The following DLGAP1 variants were observed in gnomAD, a reference collection of about 807,000 sequenced individuals.
DLGAP1 encodes the protein disks large-associated protein 1.
In DLGAP1, 11 loss-of-function variants were observed where a neutral mutation model predicts 90.8. That is an observed-to-expected ratio of 0.12 (90% CI 0.08 to 0.20). The LOEUF is 0.20. Among genes scored for constraint, DLGAP1 ranks in the 10% least tolerant of loss-of-function variants. The pLI, the probability that DLGAP1 is intolerant of heterozygous loss-of-function variation, is 1.00. For synonymous variants in DLGAP1, 558 were observed against 540.7 expected, an observed-to-expected ratio of 1.03 and a Z score of -0.44; for missense variants, 1,050 against 1,333.8, an observed-to-expected ratio of 0.79 and a Z score of 3.31.
intron 1 of DLGAP1, among the ~76,000 whole-genome samples, chr18:4,356,222 T>G (rs2081512776): frequency 6.6e-6 from 1 of 151,976 alleles, no homozygotes; most frequent in African/African-American, 2.4e-5. Flanking sequence ...GTTCTTCTCT[T>G]TTTCCCAGAG....
chr18:4,041,486 AG>A (rs2074974086), intron 2 of DLGAP1, among the ~76,000 whole-genome samples: 1 of 152,166 alleles, frequency 6.6e-6, no homozygotes, highest in Non-Finnish European at 1.5e-5. Flanking sequence ...TTCATGTTTG[AG>A]CATCTTTCTT....
At chr18:4,051,238 C>T (rs2075129801) in intron 2 of DLGAP1, among the ~76,000 whole-genome samples, 1 of 152,162 alleles carries the variant, frequency 6.6e-6, no homozygotes, top group South Asian at 2.1e-4. Context: ...TATGGCTTGG[C>T]TCTGTGTCCC....
chr18:3,567,028 G>A (rs73379285), intron 9 of DLGAP1, among the ~76,000 whole-genome samples: 2,667 of 151,332 alleles, frequency 0.018, 76 homozygotes, highest in African/African-American at 0.062. Flanking sequence ...GATAATGACA[G>A]GGAATATCTT....
chr18:3,560,611 A>G (rs2054032651), intron 9 of DLGAP1, among the ~76,000 whole-genome samples: 1 of 146,834 alleles, frequency 6.8e-6, no homozygotes, highest in Admixed American at 6.8e-5. Flanking sequence ...AAAAAAAAGC[A>G]TGTTTATGTA....
chr18:4,311,030 G>A (rs2080385725), intron 1 of DLGAP1, among the ~76,000 whole-genome samples: 2 of 152,148 alleles, frequency 1.3e-5, no homozygotes, highest in Non-Finnish European at 2.9e-5. Flanking sequence ...TGCATGTAAA[G>A]GATGCTGACT....
At chr18:3,583,625 C>G (rs1161580708) in intron 7 of DLGAP1, among the ~76,000 whole-genome samples, 1 of 152,158 alleles carries the variant, frequency 6.6e-6, no homozygotes, top group Non-Finnish European at 1.5e-5. Flanking sequence ...CCTAAAGTGT[C>G]TTTCTTTAGG....
At chr18:3,618,507 A>G (rs1675247) in intron 7 of DLGAP1, among the ~76,000 whole-genome samples, 92,311 of 150,332 alleles carry the variant, frequency 0.61, 28,632 homozygotes, top group East Asian at 0.79. Context: ...CATCAAATAA[A>G]TAACCTGCAG....
intron 7 of DLGAP1, among the ~76,000 whole-genome samples, chr18:3,723,205 A>C (rs2062038912): frequency 6.6e-6 from 1 of 152,234 alleles, no homozygotes; most frequent in Admixed American, 6.5e-5. Context: ...ACTTCTGTTT[A>C]CAGATAGCAG....
intron 1 of DLGAP1, among the ~76,000 whole-genome samples, chr18:4,380,733 G>A (rs980003456): frequency 2.0e-5 from 3 of 152,040 alleles, no homozygotes; most frequent in African/African-American, 7.2e-5. Context: ...CTTAACTCTC[G>A]GCTTGTATAC....
chr18:3,609,959 GA>G (rs2057522491), intron 7 of DLGAP1, among the ~76,000 whole-genome samples: 1 of 151,728 alleles, frequency 6.6e-6, no homozygotes, highest in African/African-American at 2.4e-5. Context: ...TCGGGAGGCT[GA>G]GGCAGGAGAA....
intron 1 of DLGAP1, among the ~76,000 whole-genome samples, chr18:4,333,966 C>A (rs893859131): frequency 7.3e-5 from 11 of 150,312 alleles, no homozygotes; most frequent in Non-Finnish European, 1.3e-4. Flanking sequence ...AGGCCAGGTG[C>A]GGTGGCTCAC....
chr18:4,268,800 T>C (rs981867694), intron 1 of DLGAP1, among the ~76,000 whole-genome samples: 1 of 152,268 alleles, frequency 6.6e-6, no homozygotes, highest in African/African-American at 2.4e-5. Context: ...TGAAAACATA[T>C]AAAAACCAAT....
chr18:3,685,424 T>C (rs992655208), intron 7 of DLGAP1, among the ~76,000 whole-genome samples: 17 of 151,662 alleles, frequency 1.1e-4, no homozygotes, highest in Non-Finnish European at 2.9e-5. Flanking sequence ...ATTAGCCGGG[T>C]GTGGTGGCGG....
intron 1 of DLGAP1, among the ~76,000 whole-genome samples, chr18:4,184,261 A>G (rs1427216370): frequency 6.6e-6 from 1 of 152,148 alleles, no homozygotes; most frequent in African/African-American, 2.4e-5. Flanking sequence ...CACTGGAACC[A>G]AAACCCCTTG....
At chr18:3,753,998 T>A (rs1350854170) in intron 5 of DLGAP1, among the ~76,000 whole-genome samples, 2 of 152,162 alleles carry the variant, frequency 1.3e-5, no homozygotes, top group African/African-American at 4.8e-5. Context: ...TCCTCCCATC[T>A]ATTTTATTTA....
chr18:3,862,628 G>C (rs7242609), intron 4 of DLGAP1, among the ~76,000 whole-genome samples: 96,618 of 152,118 alleles, frequency 0.64, 31,175 homozygotes, highest in African/African-American at 0.71. Flanking sequence ...ATGGCCAGCA[G>C]GTCATGAGTG....
rs35445954 is a variant in DLGAP1, at chr18:3,505,637, T to TAA, written c.2571+2931_2571+2932dup. On this transcript the variant is annotated intron_variant, in intron 11 of 12. Transcript: ENST00000315677. ...CTGGGCAACAGAGTGAGACTCCCTC[T>TAA]AAAAAAAAAAAAAAAAAAAAAAGTC... Among the ~76,000 whole-genome samples, 256 of 87,648 alleles carry TAA rather than the reference T, an allele frequency of 2.9e-3. 2 individuals carry two copies. The highest frequency in any genetic ancestry group is 0.016 in the South Asian group (36 of 2,214). 57.5% of individuals were successfully genotyped at this position (87,648 alleles called of 152,430 possible). A position where few individuals can be genotyped will look rare whatever the true frequency, so the allele number is the denominator to read the frequency against.
chr18:3,599,653 C>T (rs1021037221), intron 7 of DLGAP1, among the ~76,000 whole-genome samples: 1 of 152,092 alleles, frequency 6.6e-6, no homozygotes, highest in Non-Finnish European at 1.5e-5. Flanking sequence ...GACAGTCTCA[C>T]TCTGTTGTCA....
chr18:4,302,407 T>A (rs1399900750), intron 1 of DLGAP1, among the ~76,000 whole-genome samples: 1 of 152,214 alleles, frequency 6.6e-6, no homozygotes, highest in East Asian at 1.9e-4. Flanking sequence ...GACTATTCTT[T>A]TCCCATTGTA....
Sources: gnomAD v4.1 joint callset for allele counts (sites outside exome capture counted in the v4.1 genomes callset) on GRCh38, gnomAD v4.1.1 for gene constraint, MANE v1.5 for transcripts, NCBI Gene and HGNC (gene_info 2026-07-23, HGNC 2026-07-21) for gene names.